Variants in RAB3IL1 observed in about 807,000 individuals in gnomAD.
RAB3IL1 encodes the protein guanine nucleotide exchange factor for Rab-3A.
A neutral mutation model predicts 49.2 loss-of-function variants in RAB3IL1; 37 were observed. That is an observed-to-expected ratio of 0.75 (90% CI 0.58 to 0.99). RAB3IL1 has a LOEUF of 0.99. Among genes scored for constraint, RAB3IL1 ranks in the 50% least tolerant of loss-of-function variants. The probability of loss-of-function intolerance (pLI) is 0.00; values close to 1 mark genes in which losing one functional copy is unlikely to be tolerated. For missense variants in RAB3IL1, 484 were observed against 513.0 expected (o/e 0.94, Z 0.55); for synonymous variants, 193 against 213.9 (o/e 0.90, Z 0.85).
upstream of RAB3IL1, among the ~76,000 whole-genome samples, chr11:61,920,501 C>A (rs185032358): frequency 3.0e-4 from 45 of 152,344 alleles, no homozygotes; most frequent in African/African-American, 1.0e-3. Flanking sequence ...CCGCTTGTCC[C>A]CTCACCACGC....
Position 61,898,739 on chromosome 11 carries a change from C to T in RAB3IL1, c.1067-379G>A, listed in dbSNP as rs1043447627. 4.2e-6 allele frequency: 2 copies of T among 479,936 alleles called. No homozygotes were observed. Among genetic ancestry groups the T allele is most frequent in the Non-Finnish European group, 8.2e-6 (2 of 243,356 alleles). The allele number at this position is 479,936 out of a possible 1,614,324, so 29.7% of individuals were successfully genotyped here. A position where few individuals can be genotyped will look rare whatever the true frequency, so the allele number is the denominator to read the frequency against. On this transcript the variant is annotated intron_variant, in intron 9 of 9. Coordinates refer to ENST00000394836, the MANE Select transcript of RAB3IL1 (RefSeq NM_013401.4). This position sits in a 1 kb window ranked among gnomAD's most constrained non-coding sequence, Gnocchi z 5.1. ...ACCCTGCGCAGTGAGGCGGGGACCA[C>T]AGCGGCCATCCAGGGACCTAGCAGG... is the stretch of plus-strand genomic sequence containing the variant.
At chr11:61,908,486 G>A (rs1939318216) in intron 1 of RAB3IL1, among the ~76,000 whole-genome samples, 180 bp from the exon 2 acceptor site, 1 of 152,322 alleles carries the variant, frequency 6.6e-6, no homozygotes, top group Admixed American at 6.5e-5. Flanking sequence ...CAAGCACAAA[G>A]TCTCTTGGGG....
the RAB3IL1 span, among the ~76,000 whole-genome samples, chr11:61,944,234 C>CCTTCCTTCCTTCCTTCCTTCCTTT: frequency 1.3e-4 from 17 of 128,120 alleles, no homozygotes; most frequent in Non-Finnish European, 2.6e-4. Context: ...TTCCTTCCTT[C>CCTTCCTTCCTTCCTTCCTTCCTTT]CTTCCTTCCT....
intron 5 of RAB3IL1, among the ~76,000 whole-genome samples, chr11:61,905,431 C>T (rs1221471696): frequency 6.6e-6 from 1 of 152,024 alleles, no homozygotes; most frequent in Non-Finnish European, 1.5e-5. Flanking sequence ...GAGGCAGGGG[C>T]TGGGGGCTCC....
At chr11:61,931,842 G>T in the RAB3IL1 span, among the ~76,000 whole-genome samples, 7 of 152,184 alleles carry the variant, frequency 4.6e-5, no homozygotes, top group Non-Finnish European at 8.8e-5. Context: ...AAGGTTGGAA[G>T]ACACAGTTGA....
At position 61,914,730 on chromosome 11, in the gene RAB3IL1, A is replaced by T. The variant is rs139410794; in HGVS notation, c.11+2627T>A. Among the ~76,000 whole-genome samples, 1,001 of 151,816 alleles carry T rather than the reference A, an allele frequency of 6.6e-3. 11 individuals carry two copies. The highest frequency in any genetic ancestry group is 0.023 in the African/African-American group (947 of 41,474). ...GCCCAGGGCTGGAGCCATGACCAGG[A>T]CCTGGCCATTAACAAAGCACAGCCA... is the stretch of plus-strand genomic sequence containing the variant. On this transcript the variant is annotated intron_variant, in intron 1 of 9. Transcript: ENST00000394836.
Position 61,899,353 on chromosome 11 carries a change from A to T in RAB3IL1, c.1027T>A (p.Tyr343Asn). 6.2e-7 allele frequency: 1 copy of T among 1,609,336 alleles called. No homozygotes were observed. Among genetic ancestry groups the T allele is most frequent in the Non-Finnish European group, 8.5e-7 (1 of 1,179,788 alleles). Residue 343 changes from tyrosine to asparagine, a missense_variant, in exon 9 of 10, where the codon TAC becomes AAC. Coordinates refer to ENST00000394836, the MANE Select transcript of RAB3IL1 (RefSeq NM_013401.4). ...AGGCCTTGCTGGATGTAGCGGATGT[A>T]GGTGAAGAAGTTGCACACTGCGGTG... ...RITAVCNFFTYIRYIQQGLVR... is the reference protein window; with the variant it reads ...RITAVCNFFTNIRYIQQGLVR...
chr11:61,919,926 G>A (rs1591243927), upstream of RAB3IL1: 4 of 668,600 alleles, frequency 6.0e-6, no homozygotes, highest in East Asian at 6.9e-5. Context: ...CCACCAAATT[G>A]GACAAGACAA....
the RAB3IL1 span, among the ~76,000 whole-genome samples, chr11:61,935,367 C>A: frequency 1.3e-5 from 2 of 148,732 alleles, no homozygotes; most frequent in Admixed American, 6.7e-5. Context: ...TTGCAGTGAG[C>A]TGAGATTGAG....
chr11:61,912,335 C>T (rs896620829), intron 1 of RAB3IL1, among the ~76,000 whole-genome samples: 16 of 152,298 alleles, frequency 1.1e-4, no homozygotes, highest in Admixed American at 7.8e-4. Flanking sequence ...CGGAGGCTCA[C>T]AGCCATGTGA....
upstream of RAB3IL1, among the ~76,000 whole-genome samples, chr11:61,920,783 C>G (rs578192765): frequency 1.4e-4 from 21 of 152,130 alleles, no homozygotes; most frequent in African/African-American, 4.8e-4. Flanking sequence ...ATTAGCCGGG[C>G]ATGGTGGCGC....
the RAB3IL1 span, among the ~76,000 whole-genome samples, chr11:61,934,418 ATATGTG>A: frequency 1.1e-5 from 1 of 88,746 alleles, no homozygotes; most frequent in Non-Finnish European, 2.5e-5. Flanking sequence ...ATATACATAT[ATATGTG>A]TATGTGTGTG....
chr11:61,920,420 T>A (rs1939874688), upstream of RAB3IL1: 1 of 262,330 alleles, frequency 3.8e-6, no homozygotes, highest in Non-Finnish European at 5.9e-6. Context: ...CCCTCCTTCC[T>A]GGGCTCTGGG....
chr11:61,899,821 AG>A (rs1298762787), intron 8 of RAB3IL1: 1 of 186,320 alleles, frequency 5.4e-6, no homozygotes, highest in Non-Finnish European at 1.1e-5. Context: ...GCCAGGCCTC[AG>A]TCCAGTGCTA....
intron 1 of RAB3IL1, among the ~76,000 whole-genome samples, chr11:61,915,128 C>T (rs1939621164): frequency 1.3e-5 from 2 of 152,194 alleles, no homozygotes; most frequent in South Asian, 2.1e-4. Flanking sequence ...TTCTCACTGC[C>T]CCTCATCCTT....
upstream of RAB3IL1, among the ~76,000 whole-genome samples, chr11:61,919,065 G>T (rs1266797885): frequency 6.6e-6 from 1 of 152,086 alleles, no homozygotes; most frequent in East Asian, 1.9e-4. Flanking sequence ...TTGTCTTCCT[G>T]GCCCTTATTT....
intron 1 of RAB3IL1, among the ~76,000 whole-genome samples, chr11:61,908,837 G>A (rs1939337586): frequency 6.6e-6 from 1 of 152,238 alleles, no homozygotes; most frequent in Non-Finnish European, 1.5e-5. Context: ...GCAGGGCTGA[G>A]GCAGGAAGAT....
In RAB3IL1 at chr11:61,906,467, T is replaced by C; in HGVS notation, c.656A>G (p.Glu219Gly). Residue 219 changes from glutamate to glycine, a missense_variant and splice_region_variant, in exon 5 of 10, where the codon GAG (glutamate) becomes GGG (glycine). Physicochemically the swap from Glu to Gly is moderately conservative, Grantham distance 98. Coordinates refer to ENST00000394836, the MANE Select transcript of RAB3IL1 (RefSeq NM_013401.4). This position sits in a 1 kb window ranked among gnomAD's most constrained non-coding sequence, Gnocchi z 4.6. ...HTLTPDREGK[E>G]VDTILFAEFQ... ...CCAGAGCCCGCTTCCCACCCTCACC[T>C]CCTTGCCCTCTCTGTCTGGGGTGAG... is the stretch of plus-strand genomic sequence containing the variant. The C allele has an allele frequency of 6.5e-7, 1 of 1,542,360 alleles. No homozygotes were observed. The highest frequency in any genetic ancestry group is 2.3e-4 in the Middle Eastern group (1 of 4,374).
chr11:61,913,551 G>A (rs1281620759), intron 1 of RAB3IL1, among the ~76,000 whole-genome samples: 3 of 152,196 alleles, frequency 2.0e-5, no homozygotes, highest in East Asian at 1.9e-4. Context: ...CACCCCTGGC[G>A]GGGGAATCCA....
Sources: gnomAD v4.1 joint callset for allele counts (sites outside exome capture counted in the v4.1 genomes callset) on GRCh38, gnomAD v4.1.1 for gene constraint, Gnocchi (gnomAD v3.1) non-coding constraint, MANE v1.5 for transcripts, NCBI Gene and HGNC (gene_info 2026-07-23, HGNC 2026-07-21) for gene names.